The following KCNT1 variants were observed in gnomAD, a reference collection of about 807,000 sequenced individuals.
KCNT1 encodes the protein potassium sodium-activated channel subfamily T member 1, also known as potassium channel subfamily T member 1.
KCNT1 carries 78 observed loss-of-function variants against 147.8 expected under a neutral mutation model. That is an observed-to-expected ratio of 0.53 (90% CI 0.44 to 0.64). The LOEUF is 0.64. Among genes scored for constraint, KCNT1 ranks in the 30% least tolerant of loss-of-function variants. The probability of loss-of-function intolerance (pLI) is 0.00; values close to 1 mark genes in which losing one functional copy is unlikely to be tolerated. For synonymous variants in KCNT1, 867 were observed against 748.8 expected (o/e 1.16, Z -2.58); for missense variants, 1,419 against 1,750.3 (o/e 0.81, Z 3.38).
chr9:135,784,041 C>T lies in KCNT1; in HGVS notation c.2859C>T (p.Gly953=). 2 of 1,606,584 alleles carry T rather than the reference C, an allele frequency of 1.2e-6. No homozygotes were observed. The highest frequency in any genetic ancestry group is 2.2e-5 in the South Asian group (2 of 91,088). ...SKLEKREREN[G]SNLAFMFRLP... ...TCCCACAGAGGGAGCGAGAGAATGG[C>T]TCCAACCTGGCCTTCATGTTCCGCC... is the stretch of plus-strand genomic sequence containing the variant. Residue 953 remains glycine, a synonymous_variant, in exon 25 of 31, where the codon GGC becomes GGT. Transcript: ENST00000371757.
intron 2 of KCNT1, among the ~76,000 whole-genome samples, chr9:135,743,622 A>G (rs996172121): frequency 1.3e-5 from 2 of 152,156 alleles, no homozygotes; most frequent in Admixed American, 6.5e-5. Flanking sequence ...CCCACCACCC[A>G]GGGTTCTCCT....
chr9:135,782,786 G>A (rs1833704923), intron 24 of KCNT1, among the ~76,000 whole-genome samples: 1 of 152,216 alleles, frequency 6.6e-6, no homozygotes, highest in African/African-American at 2.4e-5. Context: ...GCGAAGTACG[G>A]CTGGAATTCT....
intron 7 of KCNT1, 36 bp downstream of exon 7, chr9:135,756,968 T>TCCCCCC: frequency 4.7e-6 from 4 of 852,566 alleles, no homozygotes; most frequent in Non-Finnish European, 6.5e-6. Flanking sequence ...TCACAGGGGG[T>TCCCCCC]CCCCACCCTC....
Position 135,730,667 on chromosome 9 carries a change from C to T in KCNT1, c.254+15947C>T, listed in dbSNP as rs1352484613. ...TGCCGGCACTTCAGGCTTGGGATTT[C>T]GGACCTCCGGGATGGTGTGCTTAAA... On this transcript the variant is annotated intron_variant, in intron 2 of 30. Transcript: ENST00000371757. This position sits in a 1 kb window ranked among gnomAD's most constrained non-coding sequence, Gnocchi z 4.7. 6.6e-6 allele frequency among the ~76,000 whole-genome samples: 1 copy of T among 152,122 alleles called. No homozygotes were observed. Among genetic ancestry groups the T allele is most frequent in the African/African-American group, 2.4e-5 (1 of 41,426 alleles).
At chr9:135,781,748 A>C (rs1833625204) in intron 24 of KCNT1, among the ~76,000 whole-genome samples, 1 of 152,144 alleles carries the variant, frequency 6.6e-6, no homozygotes, top group Non-Finnish European at 1.5e-5. Context: ...ACGACTCCGG[A>C]AGGAAAAAGG....
At chr9:135,783,560 C>G (rs1833780700) in intron 24 of KCNT1, among the ~76,000 whole-genome samples, 1 of 152,228 alleles carries the variant, frequency 6.6e-6, no homozygotes, top group Non-Finnish European at 1.5e-5. Flanking sequence ...CCATTGCAAG[C>G]CTGGAGCACA....
At chr9:135,778,036 C>G (rs1438541101) in intron 21 of KCNT1, among the ~76,000 whole-genome samples, 1 of 152,038 alleles carries the variant, frequency 6.6e-6, no homozygotes, top group Non-Finnish European at 1.5e-5. Flanking sequence ...TCCTCTCTCC[C>G]CCTTTCCCCC....
intron 7 of KCNT1, 109 bp from the exon 8 acceptor site, chr9:135,757,044 TCCA>T: frequency 1.2e-6 from 1 of 864,396 alleles, no homozygotes; most frequent in Non-Finnish European, 1.7e-6. Context: ...CCCAGCCTCA[TCCA>T]CTGACCTCCA....
At chr9:135,785,019 G>A in intron 27 of KCNT1, 130 bp downstream of exon 27, 1 of 1,399,128 alleles carries the variant, frequency 7.1e-7, no homozygotes, top group East Asian at 2.3e-5. Context: ...CCCACCTTCA[G>A]TGTCAGGGAC....
At chr9:135,706,703 T>A (rs138803993) in intron 1 of KCNT1, among the ~76,000 whole-genome samples, 1 of 152,156 alleles carries the variant, frequency 6.6e-6, no homozygotes. Flanking sequence ...GCACCAATAG[T>A]GCTTTTGCCT....
chr9:135,729,513 C>G (rs866954240), intron 2 of KCNT1, among the ~76,000 whole-genome samples: 2 of 152,258 alleles, frequency 1.3e-5, no homozygotes, highest in Non-Finnish European at 2.9e-5. Context: ...TGCAGAAAAC[C>G]AAGCTCAGCT....
Position 135,759,655 on chromosome 9 carries a change from G to A in KCNT1, c.855-24G>A, listed in dbSNP as rs549599793. 5.1e-5 allele frequency: 80 copies of A among 1,576,856 alleles called. No homozygotes were observed. In the Middle Eastern group the frequency reaches 6.8e-4, roughly 13 times the overall value. On this transcript the variant is annotated intron_variant, in intron 10 of 30. Transcript: ENST00000371757. ...CCCCCCAGCTCCTGGGCCCCAGGCCGCCCCTCACTGCCAGGGGTTGCAGGA... is the reference window on the plus strand; with the variant it reads ...CCCCCCAGCTCCTGGGCCCCAGGCCACCCCTCACTGCCAGGGGTTGCAGGA...
intron 1 of KCNT1, among the ~76,000 whole-genome samples, chr9:135,711,448 C>A (rs1471265642): frequency 1.3e-5 from 2 of 152,236 alleles, no homozygotes; most frequent in African/African-American, 4.8e-5. Flanking sequence ...CTCTGGGAGC[C>A]ACTTGTCCTT....
At chr9:135,777,231 C>A (rs931238675) in intron 20 of KCNT1, 107 bp from the exon 21 acceptor site, 3 of 1,235,176 alleles carry the variant, frequency 2.4e-6, no homozygotes, top group African/African-American at 1.5e-5. Flanking sequence ...GAGAGGCTAA[C>A]GGCTGGGTGT....
In KCNT1 at chr9:135,759,738, T is replaced by C. The variant is rs1197134262; in HGVS notation, c.914T>C (p.Phe305Ser). 17 of 1,613,400 alleles carry C rather than the reference T, an allele frequency of 1.1e-5. No homozygotes were observed. The highest frequency in any genetic ancestry group is 1.4e-5 in the Non-Finnish European group (16 of 1,179,828). Residue 305 changes from phenylalanine (F) to serine (S), a missense_variant, in exon 11 of 31, where the codon TTC becomes TCC. By Grantham distance (155) the Phe-to-Ser change is radical (BLOSUM62 -2). Around this residue, in one of 5 missense-constraint regions of KCNT1, gnomAD observed 401 missense variants for 610.6 expected, o/e 0.66. Transcript: ENST00000371757. ...GAGAACCTGTCCCTCCTGACCTCCTTCTACTTCTGCATCGTCACCTTCTCC... is the reference window on the plus strand; with the variant it reads ...GAGAACCTGTCCCTCCTGACCTCCTCCTACTTCTGCATCGTCACCTTCTCC... ...AGENLSLLTSFYFCIVTFSTV... is the reference protein window; with the variant it reads ...AGENLSLLTSSYFCIVTFSTV...
At chr9:135,778,646 T>TG in intron 22 of KCNT1, 42 bp from the exon 23 acceptor site, 1 of 1,610,456 alleles carries the variant, frequency 6.2e-7, no homozygotes, top group Non-Finnish European at 8.5e-7. Flanking sequence ...GGGTGGGGAG[T>TG]GGGCCGCATC....
At chr9:135,735,176 G>A (rs1285508171) in intron 2 of KCNT1, among the ~76,000 whole-genome samples, 4 of 152,228 alleles carry the variant, frequency 2.6e-5, no homozygotes, top group Non-Finnish European at 5.9e-5. Flanking sequence ...CAGCCAGGGC[G>A]ACATGCATAG....
intron 2 of KCNT1, among the ~76,000 whole-genome samples, chr9:135,719,570 G>T (rs530209159): frequency 6.6e-6 from 1 of 152,258 alleles, no homozygotes; most frequent in East Asian, 1.9e-4. Context: ...TGCTGCACCA[G>T]GACCCAGCCC....
chr9:135,709,388 C>T (rs193148253), intron 1 of KCNT1, among the ~76,000 whole-genome samples: 5 of 152,062 alleles, frequency 3.3e-5, no homozygotes, highest in African/African-American at 1.2e-4. Flanking sequence ...CACATGAGGC[C>T]GTGATGAAAA....
Sources: allele counts gnomAD v4.1 joint callset (sites outside exome capture counted in the v4.1 genomes callset), GRCh38; gene constraint gnomAD v4.1.1; regional missense constraint gnomAD v4.1.1; non-coding constraint Gnocchi (gnomAD v3.1); transcripts MANE v1.5; gene names NCBI Gene and HGNC (gene_info 2026-07-23, HGNC 2026-07-21).